ZNF254: variants seen among roughly 807,000 people sequenced by gnomAD.
The protein encoded by ZNF254 is zinc finger protein 254.
A neutral mutation model predicts 12.4 loss-of-function variants in ZNF254; 10 were observed. The ratio of observed to expected loss-of-function variants is 0.80; its 90% CI spans 0.50 to 1.36. The LOEUF is 1.36. Ranked by LOEUF, ZNF254 falls within the 40% of genes most tolerant of loss-of-function variation. The probability of loss-of-function intolerance (pLI) is 0.00; values close to 1 mark genes in which losing one functional copy is unlikely to be tolerated. For synonymous variants in ZNF254, 305 were observed against 253.4 expected, an observed-to-expected ratio of 1.20 and a Z score of -1.93; for missense variants, 996 against 763.9, an observed-to-expected ratio of 1.30 and a Z score of -3.58.
chr19:24,049,214 A>ATATATATATTTTTTTTT (rs1160333151), intron 2 of ZNF254, among the ~76,000 whole-genome samples: 1 of 40,868 alleles, frequency 2.4e-5, no homozygotes, highest in Admixed American at 3.8e-4. Flanking sequence ...ATATATATAT[A>ATATATATATTTTTTTTT]TTTTTTTTTT....
upstream of ZNF254, among the ~76,000 whole-genome samples, chr19:24,086,332 G>T (rs1236730705): frequency 6.6e-6 from 1 of 152,044 alleles, no homozygotes; most frequent in African/African-American, 2.4e-5. Flanking sequence ...TTGAGACAAA[G>T]TCTCGCTCTG....
At chr19:24,125,848 A>G (rs578143383) in intron 3 of ZNF254, among the ~76,000 whole-genome samples, 1 of 152,184 alleles carries the variant, frequency 6.6e-6, no homozygotes, top group East Asian at 1.9e-4. Flanking sequence ...TCAGGAAAAA[A>G]CCCTAAAAGC....
At chr19:24,121,123 AT>A (rs1974453015) in intron 3 of ZNF254, among the ~76,000 whole-genome samples, 1 of 152,062 alleles carries the variant, frequency 6.6e-6, no homozygotes, top group Admixed American at 6.5e-5. Flanking sequence ...TTTTCATCCT[AT>A]TTTTAAAGGG....
intron 1 of ZNF254, among the ~76,000 whole-genome samples, chr19:24,034,666 G>A (rs1969897542): frequency 6.6e-6 from 1 of 151,660 alleles, no homozygotes; most frequent in South Asian, 2.1e-4. Context: ...TAATTTTTGC[G>A]GGGTTTCACC....
At position 24,106,655 on chromosome 19, in the gene ZNF254, T is replaced by A. The variant is rs1384445853; in HGVS notation, c.253+12T>A. On this transcript the variant is annotated intron_variant, in intron 3 of 3. Coordinates refer to ENST00000357002, the MANE Select transcript of ZNF254 (RefSeq NM_203282.4). Reference sequence around the variant, plus strand: ...GGATGAACCCCCAGGTAGGTGAGAGTGAATACAACAGATGACATGGATGAG... The same window carrying A: ...GGATGAACCCCCAGGTAGGTGAGAGAGAATACAACAGATGACATGGATGAG... 6.4e-7 allele frequency: 1 copy of A among 1,570,740 alleles called. No individual in the cohort carries two copies. The highest frequency in any genetic ancestry group is 1.4e-5 in the African/African-American group (1 of 73,736).
chr19:24,086,395 C>G (rs1452608657), upstream of ZNF254, among the ~76,000 whole-genome samples: 1 of 151,924 alleles, frequency 6.6e-6, no homozygotes, highest in East Asian at 2.0e-4. Context: ...AACCTCAGCC[C>G]CCCGGGTTCA....
chr19:24,058,835 C>T (rs749048263), intron 2 of ZNF254, among the ~76,000 whole-genome samples: 5 of 152,216 alleles, frequency 3.3e-5, no homozygotes, highest in Non-Finnish European at 7.3e-5. Flanking sequence ...TGACATATTA[C>T]TGGGTCTAAA....
intron 2 of ZNF254, chr19:24,064,703 T>C (rs1466634891): frequency 6.6e-6 from 1 of 152,166 alleles, no homozygotes; most frequent in Non-Finnish European, 1.5e-5. Flanking sequence ...ATTTTTCTAA[T>C]TGTAGTAGAG....
At chr19:24,118,474 A>T (rs931699864) in intron 3 of ZNF254, among the ~76,000 whole-genome samples, 3 of 152,072 alleles carry the variant, frequency 2.0e-5, no homozygotes, top group Non-Finnish European at 2.9e-5. Flanking sequence ...TAAATTAGAA[A>T]TTTTTTGTGT....
intron 1 of ZNF254, among the ~76,000 whole-genome samples, 171 bp downstream of exon 1, chr19:24,087,508 C>T (rs2145633736): frequency 6.6e-6 from 1 of 152,308 alleles, no homozygotes. Flanking sequence ...AGCCAGACCC[C>T]CAGGAGTCCT....
intron 1 of ZNF254, among the ~76,000 whole-genome samples, chr19:24,090,524 G>T (rs928355405): frequency 2.0e-5 from 3 of 152,004 alleles, no homozygotes; most frequent in African/African-American, 7.2e-5. Flanking sequence ...GCAACCTCCA[G>T]ATCTTGAGTT....
upstream of ZNF254, among the ~76,000 whole-genome samples, chr19:24,083,702 A>G (rs1184072203): frequency 6.6e-6 from 1 of 152,210 alleles, no homozygotes; most frequent in African/African-American, 2.4e-5. Flanking sequence ...AAGAAGATAT[A>G]CAAATGGCCA....
chr19:24,098,860 G>A (rs1056873196), intron 1 of ZNF254: 1 of 151,974 alleles, frequency 6.6e-6, no homozygotes, highest in Non-Finnish European at 1.5e-5. Flanking sequence ...AAATCCAGCA[G>A]TATTTTTTTC....
chr19:24,117,697 C>T (rs1444416435), intron 3 of ZNF254, among the ~76,000 whole-genome samples: 1 of 152,026 alleles, frequency 6.6e-6, no homozygotes, highest in Non-Finnish European at 1.5e-5. Context: ...CTTTGCTGCC[C>T]CCACTGTCCT....
chr19:24,047,328 GT>G (rs1970431831), intron 2 of ZNF254, among the ~76,000 whole-genome samples: 1 of 149,066 alleles, frequency 6.7e-6, no homozygotes, highest in African/African-American at 2.5e-5. Flanking sequence ...GTAGAACTTG[GT>G]TTATTTTTTC....
chr19:24,126,374 G>A lies in ZNF254; in HGVS notation c.374G>A (p.Gly125Asp). ...YGHENLQLRK[G>D]CKSVDEYKVN... Reference sequence around the variant, plus strand: ...CATGAGAATTTACAGTTAAGAAAAGGCTGTAAAAGTGTGGATGAGTATAAG... The same window carrying A: ...CATGAGAATTTACAGTTAAGAAAAGACTGTAAAAGTGTGGATGAGTATAAG... Residue 125 changes from glycine (G) to aspartate (D), a missense_variant, in exon 4 of 4, where the codon GGC becomes GAC. Coordinates refer to ENST00000357002, the MANE Select transcript of ZNF254 (RefSeq NM_203282.4). 2 of 1,609,794 alleles carry A rather than the reference G, an allele frequency of 1.2e-6. No homozygotes were observed. Among genetic ancestry groups the A allele is most frequent in the South Asian group, 1.1e-5 (1 of 90,182 alleles).
chr19:24,088,981 T>C (rs895044768), intron 1 of ZNF254, among the ~76,000 whole-genome samples: 9 of 101,842 alleles, frequency 8.8e-5, no homozygotes, highest in Admixed American at 8.0e-4. Context: ...TTTTTTTTTT[T>C]TTTTTTTTTT....
chr19:24,115,753 T>C (rs528886549), intron 3 of ZNF254, among the ~76,000 whole-genome samples: 7 of 152,244 alleles, frequency 4.6e-5, no homozygotes, highest in African/African-American at 1.7e-4. Flanking sequence ...GCTGGCTGGT[T>C]ATTTTGCTCG....
At position 24,127,795 on chromosome 19, in the gene ZNF254, G is replaced by A. The variant is rs953278426; in HGVS notation, c.1795G>A (p.Val599Ile). ...TAAACATAAGGTAATTCATACTGGAGTAAAACCCTACAAATGTGAAGAATG... is the reference window on the plus strand; with the variant it reads ...TAAACATAAGGTAATTCATACTGGAATAAAACCCTACAAATGTGAAGAATG... ...FTKHKVIHTGVKPYKCEECGK... is the reference protein window; with the variant it reads ...FTKHKVIHTGIKPYKCEECGK... The change falls in exon 4 of 4, where the codon GTA becomes ATA. Residue 599 changes from valine (V) to isoleucine (I), a missense_variant. Transcript: ENST00000357002. 2 of 1,612,822 alleles carry A rather than the reference G, an allele frequency of 1.2e-6. No homozygotes were observed. The highest frequency in any genetic ancestry group is 1.7e-5 in the Admixed American group (1 of 59,852).
Sources: allele counts gnomAD v4.1 joint callset (sites outside exome capture counted in the v4.1 genomes callset), GRCh38; gene constraint gnomAD v4.1.1; transcripts MANE v1.5; gene names NCBI Gene and HGNC (gene_info 2026-07-23, HGNC 2026-07-21).